The following MIPOL1 variants were observed in gnomAD, a reference collection of about 807,000 sequenced individuals.
MIPOL1 encodes the protein mirror-image polydactyly 1, also known as mirror-image polydactyly gene 1 protein.
MIPOL1 carries 57 observed loss-of-function variants against 60.9 expected under a neutral mutation model. That is an observed-to-expected ratio of 0.94 (90% CI 0.76 to 1.17). MIPOL1 has a LOEUF of 1.17. Among genes scored for constraint, MIPOL1 ranks in the 50% most tolerant of loss-of-function variants. The pLI is 0.00. For missense variants in MIPOL1, 551 were observed against 511.6 expected, an observed-to-expected ratio of 1.08 and a Z score of -0.74; for synonymous variants, 179 against 168.8, an observed-to-expected ratio of 1.06 and a Z score of -0.47.
At chr14:37,544,737 G>A (rs1326607222) in intron 12 of MIPOL1, among the ~76,000 whole-genome samples, 87 of 152,318 alleles carry the variant, frequency 5.7e-4, no homozygotes, top group South Asian at 1.2e-3. Flanking sequence ...TCATTTCTGA[G>A]ATCAGGTTTT....
chr14:37,461,238 G>C (rs1465030851), intron 11 of MIPOL1, among the ~76,000 whole-genome samples: 1 of 152,176 alleles, frequency 6.6e-6, no homozygotes, highest in East Asian at 1.9e-4. Context: ...GTTCCACATG[G>C]CTGGGGAGGC....
intron 9 of MIPOL1, among the ~76,000 whole-genome samples, chr14:37,359,978 T>A (rs1261358649): frequency 2.6e-5 from 4 of 152,182 alleles, no homozygotes; most frequent in Non-Finnish European, 5.9e-5. Context: ...GCTCTTATTA[T>A]TTTGAGATAC....
intron 6 of MIPOL1, 138 bp from the exon 7 acceptor site, chr14:37,285,180 G>A: frequency 1.2e-6 from 1 of 828,624 alleles, no homozygotes; most frequent in Non-Finnish European, 1.8e-6. Context: ...AATATTTTAT[G>A]AATTGATTGA....
chr14:37,421,677 A>T (rs2093875255), intron 10 of MIPOL1, among the ~76,000 whole-genome samples: 1 of 152,074 alleles, frequency 6.6e-6, no homozygotes, highest in Non-Finnish European at 1.5e-5. Flanking sequence ...AGTTCAGAGA[A>T]CAGATTAATC....
Position 37,268,870 on chromosome 14 carries a change from A to G in MIPOL1, c.387+77A>G, listed in dbSNP as rs890760924. 9.2e-6 allele frequency: 11 copies of G among 1,198,562 alleles called. No individual in the cohort carries two copies. The Admixed American group carries it at 2.6e-4, about 28-fold the overall frequency. 74.2% of individuals were successfully genotyped at this position (1,198,562 alleles called of 1,614,324 possible). ...TTCTAAATTTCCTTTGTTGCCCATCATAATTCAGTTTTATTTTGCACTTTA... is the reference window on the plus strand; with the variant it reads ...TTCTAAATTTCCTTTGTTGCCCATCGTAATTCAGTTTTATTTTGCACTTTA... On this transcript the variant is annotated intron_variant, in intron 5 of 12. Transcript: ENST00000684589.
At position 37,204,540 on chromosome 14, in the gene MIPOL1, A is replaced by G. The variant is rs184936029; in HGVS notation, c.-199+6436A>G. ...TAAGTCCATGAGATGTGATGGTTTTATAAGGGGAAACCCCTTTTGCTTGGC... is the reference window on the plus strand; with the variant it reads ...TAAGTCCATGAGATGTGATGGTTTTGTAAGGGGAAACCCCTTTTGCTTGGC... On this transcript the variant is annotated intron_variant, in intron 1 of 12. Transcript: ENST00000684589. Among the ~76,000 whole-genome samples, 6 of 152,212 alleles carry G rather than the reference A, an allele frequency of 3.9e-5. No homozygotes were observed. In the East Asian group the frequency reaches 7.8e-4, roughly 20 times the overall value.
Position 37,268,792 on chromosome 14 carries a change from A to G in MIPOL1, c.386A>G (p.Lys129Arg). The change falls in exon 5 of 13, where the codon AAG becomes AGG. Residue 129 changes from lysine to arginine, a missense_variant and splice_region_variant. Physicochemically the swap from Lys to Arg is conservative, Grantham distance 26. Transcript: ENST00000684589. Reference protein sequence around the residue: ...ELDILRTSNKKLQQKLAKEDK... With the variant: ...ELDILRTSNKRLQQKLAKEDK... ...GATATTCTCAGAACAAGCAATAAAA[A>G]GGTATAATATGGAAAGTCTGATAAT... 1 of 1,568,948 alleles carries G rather than the reference A, an allele frequency of 6.4e-7. No individual in the cohort carries two copies. Among genetic ancestry groups the G allele is most frequent in the Admixed American group, 1.9e-5 (1 of 53,290 alleles).
chr14:37,403,247 A>C (rs1389807567), intron 10 of MIPOL1, among the ~76,000 whole-genome samples: 3 of 152,090 alleles, frequency 2.0e-5, no homozygotes, highest in African/African-American at 7.2e-5. Context: ...ATATCAGAGG[A>C]TTCCCTGTAA....
intron 11 of MIPOL1, among the ~76,000 whole-genome samples, chr14:37,433,192 C>G (rs1381064221): frequency 1.3e-5 from 2 of 152,078 alleles, no homozygotes; most frequent in African/African-American, 4.8e-5. Context: ...TCCTGAGTAG[C>G]TAGGACTACA....
intron 11 of MIPOL1, among the ~76,000 whole-genome samples, chr14:37,438,038 G>A (rs2094189809): frequency 6.6e-6 from 1 of 151,884 alleles, no homozygotes; most frequent in Admixed American, 6.6e-5. Context: ...TTTTTTTCTT[G>A]TGAGGCATTT....
At chr14:37,523,995 T>C (rs1489606166) in intron 12 of MIPOL1, among the ~76,000 whole-genome samples, 1 of 152,186 alleles carries the variant, frequency 6.6e-6, no homozygotes, top group African/African-American at 2.4e-5. Flanking sequence ...GGAAGATTTT[T>C]GCAGCAAAAT....
intron 9 of MIPOL1, among the ~76,000 whole-genome samples, chr14:37,321,555 G>C (rs1199734808): frequency 6.6e-6 from 1 of 151,902 alleles, no homozygotes; most frequent in East Asian, 1.9e-4. Flanking sequence ...ATATTCTGTA[G>C]TTGTTGAGTG....
At chr14:37,384,788 ATTTTATCCCTGT>A (rs1043613013) in intron 10 of MIPOL1, among the ~76,000 whole-genome samples, 3 of 151,962 alleles carry the variant, frequency 2.0e-5, no homozygotes, top group African/African-American at 7.2e-5. Context: ...TTCCTAATGA[ATTTTATCCCTGT>A]TTTTTAAGGG....
At chr14:37,229,923 G>C (rs928326871) in intron 1 of MIPOL1, among the ~76,000 whole-genome samples, 3 of 152,136 alleles carry the variant, frequency 2.0e-5, no homozygotes, top group Admixed American at 2.0e-4. Flanking sequence ...TTGGGGATGG[G>C]AGTGATTGGG....
chr14:37,432,216 G>A (rs4900867), intron 11 of MIPOL1, among the ~76,000 whole-genome samples: 150,062 of 152,302 alleles, frequency 0.99, 73,968 homozygotes, highest in Middle Eastern at 1. Flanking sequence ...TGATCTCACT[G>A]TGTAAAATTC....
intron 12 of MIPOL1, among the ~76,000 whole-genome samples, chr14:37,512,991 A>G (rs2095340606): frequency 1.3e-5 from 2 of 152,144 alleles, no homozygotes; most frequent in African/African-American, 4.8e-5. Flanking sequence ...TAGTTTATCA[A>G]CAAATGCCCT....
chr14:37,361,063 C>T (rs559641140), intron 9 of MIPOL1, among the ~76,000 whole-genome samples: 12 of 152,272 alleles, frequency 7.9e-5, no homozygotes, highest in South Asian at 2.1e-4. Flanking sequence ...TTTCTGCCTT[C>T]ATTTCATTAT....
intron 11 of MIPOL1, among the ~76,000 whole-genome samples, chr14:37,432,609 C>T (rs2094092449): frequency 2.7e-5 from 4 of 145,514 alleles, no homozygotes; most frequent in East Asian, 4.0e-4. Flanking sequence ...AAAAAAATTT[C>T]TTTTTTTTTT....
chr14:37,522,380 G>A (rs970385381), intron 12 of MIPOL1, among the ~76,000 whole-genome samples: 9 of 152,112 alleles, frequency 5.9e-5, no homozygotes, highest in African/African-American at 2.2e-4. Context: ...TTCCCATCGT[G>A]GACAAAGTGT....
Sources: allele counts gnomAD v4.1 joint callset (sites outside exome capture counted in the v4.1 genomes callset), GRCh38; gene constraint gnomAD v4.1.1; transcripts MANE v1.5; gene names NCBI Gene and HGNC (gene_info 2026-07-23, HGNC 2026-07-21).